Variants in FARS2 observed in about 807,000 individuals in gnomAD.
The protein encoded by FARS2 is phenylalanine--tRNA ligase, mitochondrial.
A neutral mutation model predicts 46.4 loss-of-function variants in FARS2; 40 were observed. That is an observed-to-expected ratio of 0.86 (90% CI 0.67 to 1.12). FARS2 has a LOEUF of 1.12. Ranked by LOEUF, FARS2 falls within the 50% of genes most tolerant of loss-of-function variation. The pLI is 0.00. For missense variants in FARS2, 513 were observed against 567.9 expected, an observed-to-expected ratio of 0.90 and a Z score of 0.98; for synonymous variants, 234 against 214.9, an observed-to-expected ratio of 1.09 and a Z score of -0.78.
chr6:5,591,264 A>C (rs1468123973), intron 5 of FARS2, among the ~76,000 whole-genome samples: 4 of 152,244 alleles, frequency 2.6e-5, no homozygotes, highest in African/African-American at 9.6e-5. Context: ...AGTCACACTA[A>C]GGCCAAGTAA....
intron 2 of FARS2, among the ~76,000 whole-genome samples, chr6:5,395,137 G>C (rs753945562): frequency 5.9e-5 from 9 of 152,086 alleles, no homozygotes; most frequent in Admixed American, 1.3e-4. Context: ...TTCAACCTCT[G>C]CCTCATAGGT....
At chr6:5,607,285 A>ATGTGTGTGTGTGTGTG (rs200898031) in intron 5 of FARS2, among the ~76,000 whole-genome samples, 4 of 74,986 alleles carry the variant, frequency 5.3e-5, no homozygotes, top group African/African-American at 1.5e-4. Flanking sequence ...AATAATATGT[A>ATGTGTGTGTGTGTGTG]TGTGTGTGTG....
At chr6:5,522,237 G>C (rs1004158173) in intron 4 of FARS2, among the ~76,000 whole-genome samples, 8 of 152,178 alleles carry the variant, frequency 5.3e-5, no homozygotes, top group Non-Finnish European at 8.8e-5. Flanking sequence ...GAGCTGCAGG[G>C]TCTCCCAAGC....
At chr6:5,394,767 G>GT (rs145074799) in intron 2 of FARS2, among the ~76,000 whole-genome samples, 128 of 150,324 alleles carry the variant, frequency 8.5e-4, no homozygotes, top group African/African-American at 2.3e-3. Flanking sequence ...AAGGGACAGT[G>GT]TTTTTTTTTA....
intron 6 of FARS2, among the ~76,000 whole-genome samples, chr6:5,682,406 T>A (rs539598872): frequency 6.6e-6 from 1 of 152,352 alleles, no homozygotes; most frequent in African/African-American, 2.4e-5. Flanking sequence ...TGTATTTTTT[T>A]AAGGTAGTTT....
chr6:5,260,606 C>G, upstream of FARS2: 2 of 1,231,378 alleles, frequency 1.6e-6, no homozygotes, highest in Non-Finnish European at 2.3e-6. Flanking sequence ...GGTCCCCGGC[C>G]CCTGGCCCCC....
intron 5 of FARS2, among the ~76,000 whole-genome samples, chr6:5,546,439 A>G (rs1470983813): frequency 4.6e-5 from 7 of 151,388 alleles, no homozygotes; most frequent in African/African-American, 1.7e-4. Context: ...TTTAGTAGAG[A>G]CGGGGTTTCA....
chr6:5,432,537 T>TTTCAGAGTATAAA (rs1763284937), intron 4 of FARS2, among the ~76,000 whole-genome samples: 1 of 139,444 alleles, frequency 7.2e-6, no homozygotes, highest in Non-Finnish European at 1.5e-5. Flanking sequence ...ATTTTTTTTT[T>TTTCAGAGTATAAA]TCAGAGTATA....
At chr6:5,421,134 C>T (rs1427871981) in intron 3 of FARS2, among the ~76,000 whole-genome samples, 1 of 152,190 alleles carries the variant, frequency 6.6e-6, no homozygotes, top group Non-Finnish European at 1.5e-5. Context: ...GGTGGAGGTT[C>T]CCAAACCTCA....
At chr6:5,488,939 G>A (rs1561657393) in intron 4 of FARS2, among the ~76,000 whole-genome samples, 1 of 152,106 alleles carries the variant, frequency 6.6e-6, no homozygotes, top group Non-Finnish European at 1.5e-5. Flanking sequence ...CTGTGTCCCA[G>A]GTACATTTCT....
At chr6:5,427,920 C>T (rs934228866) in intron 3 of FARS2, among the ~76,000 whole-genome samples, 1 of 152,096 alleles carries the variant, frequency 6.6e-6, no homozygotes, top group Non-Finnish European at 1.5e-5. Context: ...TGTTTTTTCT[C>T]ATTATAGAAG....
At chr6:5,357,515 G>A (rs1758008445) in intron 1 of FARS2, among the ~76,000 whole-genome samples, 2 of 152,212 alleles carry the variant, frequency 1.3e-5, no homozygotes, top group African/African-American at 4.8e-5. Context: ...ATTGGGAAGA[G>A]AGAAGAGATG....
chr6:5,546,568 C>T lies in FARS2; in HGVS notation c.1065+1228C>T, dbSNP rs892872113. Among the ~76,000 whole-genome samples, 13 of 151,876 alleles carry T rather than the reference C, an allele frequency of 8.6e-5. 1 individual carries two copies. The highest frequency in any genetic ancestry group is 3.4e-3 in the Middle Eastern group (1 of 294). On this transcript the variant is annotated intron_variant, in intron 5 of 6. Transcript: ENST00000274680. Reference sequence around the variant, plus strand: ...CCCAGCCCTCATCTAGTATCTTTTCCAACAATTCTACTCCATTCATTTTTC... The same window carrying T: ...CCCAGCCCTCATCTAGTATCTTTTCTAACAATTCTACTCCATTCATTTTTC...
At chr6:5,717,351 ATGTGTGTGTGTGTG>A (rs58875741) in intron 6 of FARS2, among the ~76,000 whole-genome samples, 9 of 141,740 alleles carry the variant, frequency 6.3e-5, no homozygotes, top group South Asian at 2.3e-4. Flanking sequence ...AGATATGTAT[ATGTGTGTGTGTGTG>A]TGTGTGTGTG....
At chr6:5,654,027 C>T (rs1035377310) in intron 6 of FARS2, among the ~76,000 whole-genome samples, 1 of 152,126 alleles carries the variant, frequency 6.6e-6, no homozygotes, top group Non-Finnish European at 1.5e-5. Context: ...ATCAGTGGCA[C>T]CCTGGGTTCT....
At chr6:5,647,610 A>G (rs1388786685) in intron 6 of FARS2, among the ~76,000 whole-genome samples, 3 of 152,196 alleles carry the variant, frequency 2.0e-5, no homozygotes, top group African/African-American at 7.2e-5. Flanking sequence ...AACTCACCCA[A>G]ATCACTGCCT....
rs1452578999 is a variant in FARS2 at position 5,267,610 on chromosome 6, CG to C, written c.-22+5952del. On this transcript the variant is annotated intron_variant, in intron 1 of 6. Coordinates refer to ENST00000274680, the MANE Select transcript of FARS2 (RefSeq NM_006567.5). The stretch of plus-strand genomic sequence containing the variant: ...CTAAAAAAATACAAAAAAAATTAGC[CG>C]GATGTGGTGGTGGGTGCCTGTAGTC... 2.6e-5 allele frequency among the ~76,000 whole-genome samples: 4 copies of C among 151,962 alleles called. No homozygotes were observed. The East Asian group carries it at 7.7e-4, about 29-fold the overall frequency.
intron 4 of FARS2, among the ~76,000 whole-genome samples, chr6:5,451,490 C>T (rs1202016307): frequency 1.3e-5 from 2 of 152,126 alleles, no homozygotes; most frequent in Non-Finnish European, 2.9e-5. Flanking sequence ...GCTCACTGCT[C>T]ATTTCCATAA....
Position 5,664,463 on chromosome 6 carries a change from A to G in FARS2, c.1217+51143A>G, listed in dbSNP as rs115287701. 1.3e-3 allele frequency among the ~76,000 whole-genome samples: 205 copies of G among 152,336 alleles called. 1 individual carries two copies. The highest frequency in any genetic ancestry group is 4.6e-3 in the African/African-American group (193 of 41,578). On this transcript the variant is annotated intron_variant, in intron 6 of 6. Coordinates refer to ENST00000274680, the MANE Select transcript of FARS2 (RefSeq NM_006567.5). ...CCAGAGTCTGCTTGGTCTTGCACCAATGATTTCACAGGTTATATCCAGACC... is the reference window on the plus strand; with the variant it reads ...CCAGAGTCTGCTTGGTCTTGCACCAGTGATTTCACAGGTTATATCCAGACC...
Sources: gnomAD v4.1 joint callset for allele counts (sites outside exome capture counted in the v4.1 genomes callset) on GRCh38, gnomAD v4.1.1 for gene constraint, MANE v1.5 for transcripts, NCBI Gene and HGNC (gene_info 2026-07-23, HGNC 2026-07-21) for gene names.